ERCC2: variants seen among roughly 807,000 people sequenced by gnomAD.
ERCC2 encodes general transcription and DNA repair factor IIH helicase subunit XPD.
Under a neutral mutation model 99.4 loss-of-function variants are expected in ERCC2, and 90 were observed. The ratio of observed to expected loss-of-function variants is 0.91; its 90% CI spans 0.76 to 1.08. The LOEUF is 1.08. ERCC2 is among the 50% of genes least tolerant of loss of function. The pLI is 0.00. For synonymous variants in ERCC2, 497 were observed against 432.4 expected (o/e 1.15, Z -1.85); for missense variants, 993 against 1,038.1 (o/e 0.96, Z 0.60).
chr19:45,370,061 G>A lies in ERCC2; in HGVS notation c.105+72C>T, dbSNP rs1972552432. The A allele has an allele frequency of 6.3e-6, 9 of 1,418,814 alleles. No homozygotes were observed. In the South Asian group the frequency reaches 9.3e-5, roughly 15 times the overall value. The allele number at this position is 1,418,814 out of a possible 1,614,324, so 87.9% of individuals were successfully genotyped here. On this transcript the variant is annotated intron_variant, in intron 2 of 22. Coordinates refer to ENST00000391945, the MANE Select transcript of ERCC2 (RefSeq NM_000400.4). ...CGGACTTCTAAAATCCAGACGTCCTGCAATCTGTCTTAGGCCCAGGCGTGG... is the reference window on the plus strand; with the variant it reads ...CGGACTTCTAAAATCCAGACGTCCTACAATCTGTCTTAGGCCCAGGCGTGG...
At chr19:45,365,683 C>T (rs1972402846) in intron 5 of ERCC2, among the ~76,000 whole-genome samples, 1 of 151,380 alleles carries the variant, frequency 6.6e-6, no homozygotes. Context: ...CCCAGCTACT[C>T]GGGAGGCTGA....
Position 45,353,174 on chromosome 19 carries a change from G to A in ERCC2, c.1759-19C>T, listed in dbSNP as rs1468986089. The A allele has an allele frequency of 3.1e-6, 5 of 1,613,866 alleles. No homozygotes were observed. Among genetic ancestry groups the A allele is most frequent in the Non-Finnish European group, 4.2e-6 (5 of 1,179,888 alleles). On this transcript the variant is annotated intron_variant, in intron 18 of 22. Transcript: ENST00000391945. ...CGCAGGCCTGAGGTGGGGAGACCGA[G>A]ACGCAAGTTAGGTCACTCCTCAGAG...
At chr19:45,366,643 T>G (rs532768279) in intron 5 of ERCC2, among the ~76,000 whole-genome samples, 21 of 152,284 alleles carry the variant, frequency 1.4e-4, no homozygotes, top group Non-Finnish European at 2.6e-4. Context: ...TAAGGCTTTT[T>G]CTGAAGAACA....
chr19:45,351,379 C>T lies in ERCC2; in HGVS notation c.*250G>A, dbSNP rs373169640. On this transcript the variant is annotated 3_prime_UTR_variant, in exon 23 of 23. Coordinates refer to ENST00000391945, the MANE Select transcript of ERCC2 (RefSeq NM_000400.4). ...CTAACGTCCAGTGAACTGCGCTGGCCGCAGCTTCTTGGGAACAGTGCAGGA... is the reference window on the plus strand; with the variant it reads ...CTAACGTCCAGTGAACTGCGCTGGCTGCAGCTTCTTGGGAACAGTGCAGGA... The T allele has an allele frequency of 5.0e-5, 80 of 1,607,938 alleles. No individual in the cohort carries two copies. The highest frequency in any genetic ancestry group is 1.9e-4 in the African/African-American group (14 of 75,022).
chr19:45,355,843 C>G, intron 15 of ERCC2, 115 bp from the exon 16 acceptor site: 1 of 807,702 alleles, frequency 1.2e-6, no homozygotes, highest in Admixed American at 2.1e-5. Flanking sequence ...TAAAGAGAGA[C>G]AGGGTGTCAC....
At chr19:45,370,313 A>G in intron 1 of ERCC2, 81 bp from the exon 2 acceptor site, 10 of 1,573,482 alleles carry the variant, frequency 6.4e-6, no homozygotes, top group Non-Finnish European at 7.8e-6. Context: ...TCGAGCCCAG[A>G]GAAGGGTGAC....
At chr19:45,364,781 G>A in intron 7 of ERCC2, 57 bp downstream of exon 7, 1 of 1,404,068 alleles carries the variant, frequency 7.1e-7, no homozygotes, top group Non-Finnish European at 1.0e-6. Flanking sequence ...ACAGGAGACG[G>A]GCGGGCAGCC....
Position 45,361,518 on chromosome 19 carries a change from G to T in ERCC2, c.1237+6C>A. 6.2e-7 allele frequency: 1 copy of T among 1,604,176 alleles called. No individual in the cohort carries two copies. Among genetic ancestry groups the T allele is most frequent in the Non-Finnish European group, 8.5e-7 (1 of 1,171,036 alleles). On this transcript the variant is annotated splice_donor_region_variant and intron_variant, in intron 12 of 22. Coordinates refer to ENST00000391945, the MANE Select transcript of ERCC2 (RefSeq NM_000400.4). ...GCCCAGCAGGGACAGAAAAAGGTGA[G>T]CTTACCTTTGGCGTAGGTGCTGACA... is the stretch of plus-strand genomic sequence containing the variant.
At chr19:45,352,841 A>AG (rs1373023238) in intron 19 of ERCC2, 25 bp from the exon 20 acceptor site, 15 of 1,605,102 alleles carry the variant, frequency 9.3e-6, no homozygotes, top group Non-Finnish European at 1.3e-5. Flanking sequence ...AGAGGGGGCG[A>AG]GGGGGGTTAC....
intron 12 of ERCC2, chr19:45,357,967 C>T (rs1972072278): frequency 1.8e-6 from 1 of 555,952 alleles, no homozygotes; most frequent in African/African-American, 1.9e-5. Flanking sequence ...CCACTGCTCA[C>T]TCTCCCAGCA....
At position 45,364,509 on chromosome 19, in the gene ERCC2, G is replaced by A. The variant is rs112910027; in HGVS notation, c.633C>T (p.Tyr211=). The A allele has an allele frequency of 1.2e-4, 197 of 1,613,866 alleles. 1 individual carries two copies. In the African/African-American group the frequency reaches 2.3e-3, roughly 19 times the overall value. Residue 211 remains tyrosine (Y), a synonymous_variant, in exon 8 of 23, where the codon TAC becomes TAT. Coordinates refer to ENST00000391945, the MANE Select transcript of ERCC2 (RefSeq NM_000400.4). ...GGTCTGCAATCTTGGGGTCCAGGAG[G>A]TAGTGGTAGCTATAAACCACCACAT... ...HANVVVYSYH[Y]LLDPKIADLV...
chr19:45,360,248 C>CT (rs1326882123), intron 12 of ERCC2, among the ~76,000 whole-genome samples: 4 of 150,968 alleles, frequency 2.6e-5, no homozygotes, highest in Admixed American at 2.6e-4. Flanking sequence ...GCCCAGCTAA[C>CT]TTTTTTTGTA....
chr19:45,350,272 A>G lies in ERCC2; in HGVS notation c.*1357T>C. On this transcript the variant is annotated 3_prime_UTR_variant, in exon 23 of 23. Coordinates refer to ENST00000391945, the MANE Select transcript of ERCC2 (RefSeq NM_000400.4). ...CCCCTGTCTCTACAAAAAAAAAAAA[A>G]AAGGCGGGACTGGATGCAGTGTTGG... 8.1e-7 allele frequency: 1 copy of G among 1,241,936 alleles called. No individual in the cohort carries two copies. Among genetic ancestry groups the G allele is most frequent in the Non-Finnish European group, 1.1e-6 (1 of 878,388 alleles). 76.9% of individuals were successfully genotyped at this position (1,241,936 alleles called of 1,614,324 possible).
In ERCC2 at chr19:45,351,582, A is replaced by G. The variant is rs769237513; in HGVS notation, c.*47T>C. On this transcript the variant is annotated 3_prime_UTR_variant, in exon 23 of 23. Coordinates refer to ENST00000391945, the MANE Select transcript of ERCC2 (RefSeq NM_000400.4). ...CCGCCGCTGGGAACCAGGGCCAGGC[A>G]AGACTCAGGAGTCACCAGGAACCGT... 14 of 1,611,644 alleles carry G rather than the reference A, an allele frequency of 8.7e-6. No individual in the cohort carries two copies. Among genetic ancestry groups the G allele is most frequent in the Non-Finnish European group, 1.2e-5 (14 of 1,179,542 alleles).
rs145239390 is a variant in ERCC2 at position 45,365,102 on chromosome 19, G to C, written c.417C>G (p.Ala139=). The C allele has an allele frequency of 4.8e-4, 782 of 1,614,194 alleles. 2 individuals carry two copies. The African/African-American group carries it at 9.0e-3, about 19-fold the overall frequency. The change falls in exon 6 of 23, where the codon GCC becomes GCG. Residue 139 remains alanine (A), a synonymous_variant. Coordinates refer to ENST00000391945, the MANE Select transcript of ERCC2 (RefSeq NM_000400.4). The part of the protein sequence containing the change: ...DVDGKCHSLT[A]SYVRAQYQHD... ...GCTGGTACTGCGCCCGCACATAGGA[G>C]GCTGTGAGGCTGTGGCATTTCCCAT... is the stretch of plus-strand genomic sequence containing the variant.
Position 45,351,127 on chromosome 19 carries a change from G to T in ERCC2, c.*502C>A. ...GGTGGAGTCAGCAGGTGGTGGGTTG[G>T]TGTCAGAAGAGACCCAGGACAGGAG... On this transcript the variant is annotated 3_prime_UTR_variant, in exon 23 of 23. Coordinates refer to ENST00000391945, the MANE Select transcript of ERCC2 (RefSeq NM_000400.4). The T allele has an allele frequency of 2.5e-6, 4 of 1,604,134 alleles. No homozygotes were observed. The Admixed American group carries it at 6.8e-5, about 27-fold the overall frequency.
chr19:45,369,326 T>C (rs1454278897), intron 2 of ERCC2, among the ~76,000 whole-genome samples, 179 bp from the exon 3 acceptor site: 1 of 152,122 alleles, frequency 6.6e-6, no homozygotes, highest in Non-Finnish European at 1.5e-5. Context: ...TTGAGTGGTC[T>C]TAGGCAAGTA....
chr19:45,357,777 GCTCCCTCGCTT>G, intron 12 of ERCC2, 78 bp from the exon 13 acceptor site: 1 of 1,290,150 alleles, frequency 7.8e-7, no homozygotes, highest in Non-Finnish European at 1.1e-6. Context: ...TCCCTCTCCT[GCTCCCTCGCTT>G]CACCCCAATC....
Position 45,353,259 on chromosome 19 carries a change from G to A in ERCC2, c.1741C>T (p.Leu581=). The change falls in exon 18 of 23, where the codon CTG becomes TTG. Residue 581 remains leucine (L), a synonymous_variant. Coordinates refer to ENST00000391945, the MANE Select transcript of ERCC2 (RefSeq NM_000400.4). Reference sequence around the variant, plus strand: ...ACACCCACCTCCTGGTACTTCTCCAGGGCGACACTGGTTTCGGCACCATCC... The same window carrying A: ...ACACCCACCTCCTGGTACTTCTCCAAGGCGACACTGGTTTCGGCACCATCC... The part of the protein sequence containing the change: ...TQDGAETSVA[L]EKYQEACENG... 6.2e-7 allele frequency: 1 copy of A among 1,613,930 alleles called. No individual in the cohort carries two copies. The highest frequency in any genetic ancestry group is 1.7e-5 in the Admixed American group (1 of 60,002).
Sources: gnomAD v4.1 joint callset for allele counts (sites outside exome capture counted in the v4.1 genomes callset) on GRCh38, gnomAD v4.1.1 for gene constraint, MANE v1.5 for transcripts, NCBI Gene and HGNC (gene_info 2026-07-23, HGNC 2026-07-21) for gene names.